The following IL19 variants were observed in gnomAD, a reference collection of about 807,000 sequenced individuals.
IL19 encodes the protein interleukin 19.
In IL19, 15 loss-of-function variants were observed where a neutral mutation model predicts 19.5. The ratio of observed to expected loss-of-function variants is 0.77; its 90% confidence interval spans 0.52 to 1.19. The LOEUF is 1.19. Ranked by LOEUF, IL19 falls within the 50% of genes most tolerant of loss-of-function variation. The pLI is 0.00. For synonymous variants in IL19, 78 were observed against 78.3 expected, an observed-to-expected ratio of 1.00 and a Z score of 0.02; for missense variants, 199 against 213.1, an observed-to-expected ratio of 0.93 and a Z score of 0.41.
intron 2 of IL19, among the ~76,000 whole-genome samples, chr1:206,803,050 C>T (rs1378129605): frequency 6.6e-6 from 1 of 152,196 alleles, no homozygotes; most frequent in Non-Finnish European, 1.5e-5. Flanking sequence ...AGTTCAAATA[C>T]TAGTCTTACT....
intron 2 of IL19, among the ~76,000 whole-genome samples, chr1:206,812,231 G>A (rs1676034494): frequency 6.6e-6 from 1 of 152,172 alleles, no homozygotes; most frequent in African/African-American, 2.4e-5. Flanking sequence ...ATCAGGGGTG[G>A]AAGAGGGACT....
At chr1:206,803,965 T>A (rs1675779911) in intron 2 of IL19, among the ~76,000 whole-genome samples, 1 of 152,060 alleles carries the variant, frequency 6.6e-6, no homozygotes, top group Non-Finnish European at 1.5e-5. Context: ...TCCAGCAAGG[T>A]GGGAGGGAAA....
At chr1:206,830,166 G>C (rs1676553205) in intron 2 of IL19, among the ~76,000 whole-genome samples, 1 of 152,220 alleles carries the variant, frequency 6.6e-6, no homozygotes, top group African/African-American at 2.4e-5. Flanking sequence ...TAAGGAGATA[G>C]AGGTTTGAGA....
At chr1:206,774,835 G>A (rs1480458763) in intron 1 of IL19, among the ~76,000 whole-genome samples, 1 of 152,106 alleles carries the variant, frequency 6.6e-6, no homozygotes, top group African/African-American at 2.4e-5. Context: ...GGCTAAGGAG[G>A]TGGTCTGGGC....
At chr1:206,801,103 A>G (rs77633057) in intron 2 of IL19, among the ~76,000 whole-genome samples, 1,898 of 151,646 alleles carry the variant, frequency 0.013, 41 homozygotes, top group African/African-American at 0.043. Context: ...TCTCCCTAGT[A>G]GAGTGGGATT....
At chr1:206,837,078 C>G in intron 4 of IL19, 55 bp downstream of exon 4, 2 of 1,401,004 alleles carry the variant, frequency 1.4e-6, no homozygotes, top group Non-Finnish European at 2.0e-6. Flanking sequence ...CTAAATGGCT[C>G]TGGGCTGAGA....
At chr1:206,823,504 G>A (rs1417765019) in intron 2 of IL19, among the ~76,000 whole-genome samples, 3 of 151,094 alleles carry the variant, frequency 2.0e-5, no homozygotes, top group Non-Finnish European at 2.9e-5. Context: ...GCAGTGAGCC[G>A]AGATCATGCC....
chr1:206,772,843 G>T (rs1223297322), intron 1 of IL19, among the ~76,000 whole-genome samples: 3 of 152,168 alleles, frequency 2.0e-5, no homozygotes, highest in Admixed American at 1.3e-4. Context: ...TCACAGTGAC[G>T]TGGACAAATT....
chr1:206,775,835 G>C (rs1674978310), intron 1 of IL19, among the ~76,000 whole-genome samples: 1 of 152,174 alleles, frequency 6.6e-6, no homozygotes, highest in South Asian at 2.1e-4. Context: ...AAGTGAGAAG[G>C]CAGGCACCTA....
intron 1 of IL19, among the ~76,000 whole-genome samples, chr1:206,788,245 T>C (rs1234090468): frequency 6.6e-6 from 1 of 152,218 alleles, no homozygotes; most frequent in Non-Finnish European, 1.5e-5. Flanking sequence ...CCATATGCTA[T>C]AGACTAAGAC....
At chr1:206,803,926 T>G (rs551870342) in intron 2 of IL19, among the ~76,000 whole-genome samples, 1 of 152,336 alleles carries the variant, frequency 6.6e-6, no homozygotes, top group Admixed American at 6.5e-5. Flanking sequence ...AATCTGGCAT[T>G]GCTCTAGGAA....
intron 2 of IL19, among the ~76,000 whole-genome samples, chr1:206,818,959 C>A (rs1676228463): frequency 6.6e-6 from 1 of 151,718 alleles, no homozygotes; most frequent in Admixed American, 6.6e-5. Flanking sequence ...ATTACAGGCA[C>A]CTGCCACAGC....
At chr1:206,837,246 T>C (rs529820758) in intron 4 of IL19, among the ~76,000 whole-genome samples, 59 of 152,158 alleles carry the variant, frequency 3.9e-4, no homozygotes, top group African/African-American at 1.4e-3. Context: ...AGAGAGTGAT[T>C]GGGGGTGCCA....
chr1:206,833,989 T>C (rs1171652353), intron 2 of IL19: 4 of 985,392 alleles, frequency 4.1e-6, no homozygotes, highest in Non-Finnish European at 3.6e-6. Context: ...GTGTGGCTGA[T>C]TGAGAGTGCT....
chr1:206,833,329 T>G (rs558485032), intron 2 of IL19, among the ~76,000 whole-genome samples: 1 of 152,236 alleles, frequency 6.6e-6, no homozygotes, highest in Non-Finnish European at 1.5e-5. Flanking sequence ...AGAGGAGACT[T>G]CCTTATACGC....
chr1:206,781,290 A>G (rs919138469), intron 1 of IL19, among the ~76,000 whole-genome samples: 2 of 151,684 alleles, frequency 1.3e-5, no homozygotes, highest in African/African-American at 4.8e-5. Flanking sequence ...CTAAAAATAC[A>G]AAAATTAGCT....
intron 1 of IL19, among the ~76,000 whole-genome samples, chr1:206,776,908 A>C (rs4844554): frequency 7.5e-4 from 67 of 89,588 alleles, no homozygotes; most frequent in Non-Finnish European, 1.3e-3. Flanking sequence ...TCTTGCAACT[A>C]CAAAAAAAAA....
intron 2 of IL19, among the ~76,000 whole-genome samples, chr1:206,812,400 C>A (rs1378656736): frequency 6.6e-6 from 1 of 152,140 alleles, no homozygotes; most frequent in Admixed American, 6.6e-5. Context: ...GATGAGACTA[C>A]CATTTGGCCA....
At chr1:206,786,747 T>C (rs920062041) in intron 1 of IL19, among the ~76,000 whole-genome samples, 2 of 152,126 alleles carry the variant, frequency 1.3e-5, no homozygotes, top group South Asian at 4.1e-4. Flanking sequence ...GCTCTTCATA[T>C]TGACCTCACC....
Sources: gnomAD v4.1 joint callset for allele counts (sites outside exome capture counted in the v4.1 genomes callset) on GRCh38, gnomAD v4.1.1 for gene constraint, MANE v1.5 for transcripts, NCBI Gene and HGNC (gene_info 2026-07-23, HGNC 2026-07-21) for gene names.